The following GALNT13 variants were observed in gnomAD, a reference collection of about 807,000 sequenced individuals.
The protein encoded by GALNT13 is UDP-GalNAc:polypeptide N-acetylgalactosaminyltransferase 13.
In GALNT13, 28 loss-of-function variants were observed where a neutral mutation model predicts 64.2. The observed-to-expected ratio is 0.44, with a 90% CI of 0.32 to 0.60. The LOEUF (loss-of-function observed/expected upper bound fraction) is 0.60, where lower values mean the gene tolerates loss of function less well. Among genes scored for constraint, GALNT13 ranks in the 20% least tolerant of loss-of-function variants. GALNT13 has a pLI of 0.05. For missense variants in GALNT13, 577 were observed against 669.8 expected, an observed-to-expected ratio of 0.86 and a Z score of 1.53; for synonymous variants, 214 against 224.6, an observed-to-expected ratio of 0.95 and a Z score of 0.42.
At chr2:153,345,706 TTTCTCTCTTTCTG>T in the GALNT13 span, among the ~76,000 whole-genome samples, 7 of 119,252 alleles carry the variant, frequency 5.9e-5, no homozygotes, top group South Asian at 2.8e-4. Context: ...TTTCTTTCTC[TTTCTCTCTTTCTG>T]TCCTTCCTTC....
At chr2:153,487,784 T>G in the GALNT13 span, among the ~76,000 whole-genome samples, 1 of 152,212 alleles carries the variant, frequency 6.6e-6, no homozygotes. Flanking sequence ...AGTTCTGTAT[T>G]TTTGGAGTAT....
At chr2:153,421,474 C>G in the GALNT13 span, 25 of 220,758 alleles carry the variant, frequency 1.1e-4, no homozygotes, top group African/African-American at 4.4e-4. Context: ...ACCTGCAGGG[C>G]TAGGTAAATG....
chr2:154,125,609 A>T (rs534929474), intron 3 of GALNT13, among the ~76,000 whole-genome samples: 2 of 152,326 alleles, frequency 1.3e-5, no homozygotes, highest in South Asian at 4.1e-4. Flanking sequence ...TGGAGCAAAG[A>T]GGAGGTGACA....
At chr2:153,213,221 A>G in the GALNT13 span, among the ~76,000 whole-genome samples, 2 of 152,172 alleles carry the variant, frequency 1.3e-5, no homozygotes, top group African/African-American at 4.8e-5. Flanking sequence ...CTTCCACCCC[A>G]TCATCTCCCA....
At chr2:154,269,930 A>ATATATGTGT (rs1553506263) in intron 8 of GALNT13, among the ~76,000 whole-genome samples, 3 of 142,884 alleles carry the variant, frequency 2.1e-5, no homozygotes, top group South Asian at 2.2e-4. Flanking sequence ...ATATATTTCT[A>ATATATGTGT]AAGCACAGGG....
the GALNT13 span, among the ~76,000 whole-genome samples, chr2:153,131,758 A>T: frequency 6.6e-6 from 1 of 152,064 alleles, no homozygotes; most frequent in African/African-American, 2.4e-5. Context: ...TTTAAGCCTG[A>T]TTACTCATTT....
chr2:153,262,735 G>C, the GALNT13 span, among the ~76,000 whole-genome samples: 2 of 152,100 alleles, frequency 1.3e-5, no homozygotes, highest in African/African-American at 4.8e-5. Context: ...GAAAAGGCCA[G>C]AGATAAAGTT....
intron 7 of GALNT13, among the ~76,000 whole-genome samples, chr2:154,252,763 A>ATAGC (rs1690149963): frequency 1.3e-5 from 2 of 150,946 alleles, no homozygotes; most frequent in Admixed American, 6.6e-5. Context: ...AGATAGATAG[A>ATAGC]TAGATAGATA....
the GALNT13 span, among the ~76,000 whole-genome samples, chr2:153,689,693 C>T: frequency 4.6e-5 from 7 of 151,940 alleles, no homozygotes; most frequent in South Asian, 2.1e-4. Context: ...ATGAAGTCAG[C>T]GATCATACTT....
the GALNT13 span, among the ~76,000 whole-genome samples, chr2:153,661,736 T>G: frequency 1.3e-5 from 2 of 152,214 alleles, no homozygotes; most frequent in African/African-American, 4.8e-5. Flanking sequence ...ACATAATATA[T>G]CATCAATATC....
At chr2:153,870,050 C>T (rs1685826190), upstream of GALNT13, among the ~76,000 whole-genome samples, 1 of 151,852 alleles carries the variant, frequency 6.6e-6, no homozygotes, top group Non-Finnish European at 1.5e-5. Flanking sequence ...CCACACCAGA[C>T]AAGTGAGTGA....
the GALNT13 span, among the ~76,000 whole-genome samples, chr2:153,305,620 T>C: frequency 6.6e-6 from 1 of 152,158 alleles, no homozygotes; most frequent in Non-Finnish European, 1.5e-5. Context: ...AAACCCTGGA[T>C]AGACCTTACA....
At chr2:153,689,952 T>G in the GALNT13 span, among the ~76,000 whole-genome samples, 8 of 152,232 alleles carry the variant, frequency 5.3e-5, no homozygotes, top group East Asian at 1.4e-3. Context: ...GTAATTAACA[T>G]GTACTGGGCC....
In GALNT13 at chr2:154,045,740, G is replaced by C. The variant is rs78098028; in HGVS notation, c.143-94597G>C. Among the ~76,000 whole-genome samples, 12 of 152,230 alleles carry C rather than the reference G, an allele frequency of 7.9e-5. No individual in the cohort carries two copies. In the East Asian group the frequency reaches 2.3e-3, roughly 29 times the overall value. Reference sequence around the variant, plus strand: ...AGTTCTGATATTCCTGTGAGTTTAAGAAAAAACAAACAAACCCTTCCTCCG... The same window carrying C: ...AGTTCTGATATTCCTGTGAGTTTAACAAAAAACAAACAAACCCTTCCTCCG... On this transcript the variant is annotated intron_variant, in intron 3 of 12. Transcript: ENST00000392825.
Position 154,018,851 on chromosome 2 carries a change from G to A in GALNT13, c.142+74212G>A, listed in dbSNP as rs899070106. On this transcript the variant is annotated intron_variant, in intron 3 of 12. Coordinates refer to ENST00000392825, the MANE Select transcript of GALNT13 (RefSeq NM_052917.4). ...GATGGTAGAAAGGATGAGAGAGGAGGAGGAGGAGAGACAAGAAGAGGGGAG... is the reference window on the plus strand; with the variant it reads ...GATGGTAGAAAGGATGAGAGAGGAGAAGGAGGAGAGACAAGAAGAGGGGAG... 1.7e-4 allele frequency among the ~76,000 whole-genome samples: 26 copies of A among 151,588 alleles called. 1 individual carries two copies. Among genetic ancestry groups the A allele is most frequent in the South Asian group, 2.1e-4 (1 of 4,752 alleles).
chr2:153,395,265 A>T, the GALNT13 span, among the ~76,000 whole-genome samples: 3 of 152,174 alleles, frequency 2.0e-5, no homozygotes, highest in Non-Finnish European at 4.4e-5. Flanking sequence ...AAAGGCAAAG[A>T]ATTATACCAG....
chr2:153,231,986 C>T, the GALNT13 span, among the ~76,000 whole-genome samples: 1 of 152,064 alleles, frequency 6.6e-6, no homozygotes, highest in South Asian at 2.1e-4. Flanking sequence ...TGCTGAGTGG[C>T]GGTTTTGAAC....
the GALNT13 span, among the ~76,000 whole-genome samples, chr2:153,469,199 G>A: frequency 6.6e-6 from 1 of 152,196 alleles, no homozygotes; most frequent in South Asian, 2.1e-4. Flanking sequence ...CATTAAGTAT[G>A]TTGCAAACAC....
intron 10 of GALNT13, among the ~76,000 whole-genome samples, chr2:154,397,882 C>G (rs1226353899): frequency 6.6e-6 from 1 of 152,184 alleles, no homozygotes; most frequent in Non-Finnish European, 1.5e-5. Context: ...AGACTAGTCA[C>G]TTAGTCCCGT....
Sources: gnomAD v4.1 joint callset for allele counts (sites outside exome capture counted in the v4.1 genomes callset) on GRCh38, gnomAD v4.1.1 for gene constraint, MANE v1.5 for transcripts, NCBI Gene and HGNC (gene_info 2026-07-23, HGNC 2026-07-21) for gene names.